RIMBP2: variants seen among roughly 807,000 people sequenced by gnomAD.
RIMBP2 encodes the protein RIMS-binding protein 2.
RIMBP2 carries 48 observed loss-of-function variants against 118.6 expected under a neutral mutation model. The ratio of observed to expected loss-of-function variants is 0.40; its 90% CI spans 0.32 to 0.51. The LOEUF is 0.51. Ranked by LOEUF, RIMBP2 falls within the 20% of genes least tolerant of loss-of-function variation. The probability of loss-of-function intolerance (pLI) is 0.41; values close to 1 mark genes in which losing one functional copy is unlikely to be tolerated. For synonymous variants in RIMBP2, 762 were observed against 742.9 expected, an observed-to-expected ratio of 1.03 and a Z score of -0.42; for missense variants, 1,551 against 1,768.3, an observed-to-expected ratio of 0.88 and a Z score of 2.20.
intron 4 of RIMBP2, among the ~76,000 whole-genome samples, chr12:130,493,098 T>C (rs12302390): frequency 0.071 from 10,863 of 151,948 alleles, 631 homozygotes; most frequent in East Asian, 0.19. Flanking sequence ...GATAACGCAC[T>C]GCACTCCAGC....
intron 11 of RIMBP2, among the ~76,000 whole-genome samples, chr12:130,439,580 T>A: frequency 8.2e-6 from 1 of 122,246 alleles, no homozygotes; most frequent in Non-Finnish European, 1.7e-5. Context: ...TGTGGGTCTG[T>A]GGGGGTATGT....
At chr12:130,563,170 C>T (rs772786151) in intron 2 of RIMBP2, among the ~76,000 whole-genome samples, 2 of 152,228 alleles carry the variant, frequency 1.3e-5, no homozygotes, top group Non-Finnish European at 1.5e-5. Context: ...GTGCAAGTGA[C>T]ACACAAGGAC....
chr12:130,479,740 G>A (rs147228345), intron 4 of RIMBP2, among the ~76,000 whole-genome samples: 5 of 152,050 alleles, frequency 3.3e-5, no homozygotes, highest in African/African-American at 1.2e-4. Flanking sequence ...TGGGAAAGTC[G>A]CAAGGTGGCC....
chr12:130,428,038 G>T, intron 15 of RIMBP2, 141 bp downstream of exon 15: 1 of 731,616 alleles, frequency 1.4e-6, no homozygotes, highest in East Asian at 3.0e-5. Flanking sequence ...TCAATAGTGA[G>T]AAAGAAGCGA....
At chr12:130,476,968 G>A (rs961593257) in intron 5 of RIMBP2, among the ~76,000 whole-genome samples, 2 of 152,200 alleles carry the variant, frequency 1.3e-5, no homozygotes, top group African/African-American at 4.8e-5. Context: ...GCAAAGATGA[G>A]CTCTGGAAAG....
chr12:130,418,870 G>A (rs2076253522), intron 17 of RIMBP2, among the ~76,000 whole-genome samples: 1 of 152,176 alleles, frequency 6.6e-6, no homozygotes, highest in Admixed American at 6.5e-5. Context: ...CACCACGGGA[G>A]GCATTTAGGC....
At chr12:130,557,228 G>A (rs1593787751) in intron 2 of RIMBP2, among the ~76,000 whole-genome samples, 1 of 152,102 alleles carries the variant, frequency 6.6e-6, no homozygotes, top group Non-Finnish European at 1.5e-5. Context: ...AAGGGTGCTG[G>A]CAGCCACAGA....
chr12:130,664,439 G>GCGCA, intron 1 of RIMBP2, among the ~76,000 whole-genome samples: 2 of 123,514 alleles, frequency 1.6e-5, no homozygotes, highest in South Asian at 5.6e-4. Flanking sequence ...ATGCATGCAC[G>GCGCA]CACACACGCA....
rs1566303091 is a variant in RIMBP2, at chr12:130,581,589, C to T, written c.-217+46733G>A. On this transcript the variant is annotated intron_variant, in intron 2 of 22. Transcript: ENST00000690449. This position sits in a 1 kb window ranked among gnomAD's most constrained non-coding sequence, Gnocchi z 4.4. ...CCAGTAGGTGGCAATTCCAGGCTCT[C>T]GCGGCTCAGGCCTCAGACCTGTCGC... 6.6e-6 allele frequency among the ~76,000 whole-genome samples: 1 copy of T among 152,344 alleles called. No homozygotes were observed. The highest frequency in any genetic ancestry group is 1.9e-4 in the East Asian group (1 of 5,176).
intron 22 of RIMBP2, among the ~76,000 whole-genome samples, chr12:130,399,376 G>A (rs1424887224): frequency 6.6e-6 from 1 of 152,122 alleles, no homozygotes; most frequent in Admixed American, 6.5e-5. Flanking sequence ...CTGAAGAGGA[G>A]CCATCCCCTT....
chr12:130,482,080 C>A (rs577012191), intron 4 of RIMBP2, among the ~76,000 whole-genome samples: 17 of 152,152 alleles, frequency 1.1e-4, no homozygotes, highest in Non-Finnish European at 2.1e-4. Flanking sequence ...ATTCCCCGAG[C>A]TCCTGAGACG....
intron 2 of RIMBP2, among the ~76,000 whole-genome samples, chr12:130,606,224 G>A (rs578113358): frequency 2.6e-5 from 4 of 152,160 alleles, no homozygotes; most frequent in Non-Finnish European, 4.4e-5. Context: ...TATATGGTGG[G>A]AATTACACAC....
intron 2 of RIMBP2, among the ~76,000 whole-genome samples, chr12:130,526,794 G>A (rs549405180): frequency 8.5e-5 from 13 of 152,082 alleles, no homozygotes; most frequent in East Asian, 5.8e-4. Flanking sequence ...TTATAATAAC[G>A]TAAAATAAAA....
At chr12:130,473,309 T>C (rs1354012056) in intron 5 of RIMBP2, among the ~76,000 whole-genome samples, 1 of 152,212 alleles carries the variant, frequency 6.6e-6, no homozygotes, top group Non-Finnish European at 1.5e-5. Context: ...GGAGAGTGGT[T>C]CCTGCAGAGC....
chr12:130,684,660 A>G (rs1401407755), intron 1 of RIMBP2, among the ~76,000 whole-genome samples: 1 of 152,236 alleles, frequency 6.6e-6, no homozygotes, highest in African/African-American at 2.4e-5. Flanking sequence ...TGAGAACAGA[A>G]ACATTCCTAA....
intron 2 of RIMBP2, among the ~76,000 whole-genome samples, chr12:130,572,317 C>T (rs1404782657): frequency 2.0e-5 from 3 of 149,150 alleles, no homozygotes; most frequent in Non-Finnish European, 4.5e-5. Context: ...GCTCCTGAGT[C>T]CCAAATGCAC....
intron 17 of RIMBP2, among the ~76,000 whole-genome samples, chr12:130,415,980 A>ACACACACACACAC (rs58544830): frequency 6.7e-6 from 1 of 149,326 alleles, no homozygotes; most frequent in African/African-American, 2.5e-5. Flanking sequence ...CACACACACA[A>ACACACACACACAC]AATATACAGA....
In RIMBP2 at chr12:130,498,923, T is replaced by G. The variant is rs185347574; in HGVS notation, c.-4+7725A>C. On this transcript the variant is annotated intron_variant, in intron 4 of 22. Coordinates refer to ENST00000690449, the MANE Select transcript of RIMBP2 (RefSeq NM_001393629.1). The stretch of plus-strand genomic sequence containing the variant: ...AATCTCAGCCACTCAATTTTGGGGT[T>G]GCATTAGTCCATTCTCACACTGCTA... Among the ~76,000 whole-genome samples the G allele has an allele frequency of 4.6e-5, 7 of 152,360 alleles. No homozygotes were observed. In the East Asian group the frequency reaches 1.3e-3, roughly 29 times the overall value.
chr12:130,586,450 C>A (rs2140266923), intron 2 of RIMBP2, among the ~76,000 whole-genome samples: 1 of 152,210 alleles, frequency 6.6e-6, no homozygotes, highest in East Asian at 1.9e-4. Context: ...GAAACTCCAT[C>A]TCAAAAAGAA....
Sources: allele counts gnomAD v4.1 joint callset (sites outside exome capture counted in the v4.1 genomes callset), GRCh38; gene constraint gnomAD v4.1.1; non-coding constraint Gnocchi (gnomAD v3.1); transcripts MANE v1.5; gene names NCBI Gene and HGNC (gene_info 2026-07-23, HGNC 2026-07-21).